MOB3B: variants seen among roughly 807,000 people sequenced by gnomAD.
MOB3B encodes MOB kinase activator 3B.
A neutral mutation model predicts 18.7 loss-of-function variants in MOB3B; 7 were observed. That is an observed-to-expected ratio of 0.37 (90% CI 0.21 to 0.70). The LOEUF is 0.70. Among genes scored for constraint, MOB3B ranks in the 30% least tolerant of loss-of-function variants. The pLI is 0.52. For missense variants in MOB3B, 253 were observed against 281.3 expected (o/e 0.90, Z 0.72); for synonymous variants, 111 against 99.9 (o/e 1.11, Z -0.66).
chr9:27,357,667 G>A (rs1346623794), intron 3 of MOB3B, among the ~76,000 whole-genome samples: 1 of 151,764 alleles, frequency 6.6e-6, no homozygotes, highest in African/African-American at 2.4e-5. Context: ...CTCTCTTGTG[G>A]CGTGGCATGG....
chr9:27,385,832 C>G (rs1044826197), intron 2 of MOB3B, among the ~76,000 whole-genome samples: 1 of 152,222 alleles, frequency 6.6e-6, no homozygotes, highest in South Asian at 2.1e-4. Flanking sequence ...CTCCTTTTGA[C>G]AGTTTGCTGT....
chr9:27,353,819 A>G (rs1028906809), intron 3 of MOB3B, among the ~76,000 whole-genome samples: 1 of 152,180 alleles, frequency 6.6e-6, no homozygotes, highest in Non-Finnish European at 1.5e-5. Context: ...GTGCTTGCTA[A>G]TGATAATTCT....
chr9:27,435,845 C>G (rs1337829006), intron 2 of MOB3B, among the ~76,000 whole-genome samples: 2 of 152,160 alleles, frequency 1.3e-5, no homozygotes, highest in African/African-American at 4.8e-5. Flanking sequence ...AAGTGATCCA[C>G]CTGACTTGGC....
chr9:27,527,700 C>G (rs1219975880), intron 1 of MOB3B, among the ~76,000 whole-genome samples: 6 of 152,210 alleles, frequency 3.9e-5, no homozygotes. Context: ...ACAGGAAAAG[C>G]TGGCAACAGC....
At chr9:27,433,131 T>C (rs902899661) in intron 2 of MOB3B, among the ~76,000 whole-genome samples, 3 of 152,126 alleles carry the variant, frequency 2.0e-5, no homozygotes, top group African/African-American at 7.2e-5. Context: ...AAGATACATA[T>C]TTGATATAAA....
intron 2 of MOB3B, among the ~76,000 whole-genome samples, chr9:27,436,576 TAAGTA>T (rs1355078368): frequency 6.6e-6 from 1 of 152,222 alleles, no homozygotes; most frequent in African/African-American, 2.4e-5. Context: ...GGGTACATAG[TAAGTA>T]AATACAAGTT....
At chr9:27,528,305 C>A (rs952158073) in intron 1 of MOB3B, among the ~76,000 whole-genome samples, 3 of 152,244 alleles carry the variant, frequency 2.0e-5, no homozygotes, top group African/African-American at 7.2e-5. Flanking sequence ...CTAGCAGCGG[C>A]CCAGCCCCAA....
chr9:27,521,760 C>T (rs901602436), intron 1 of MOB3B, among the ~76,000 whole-genome samples: 2 of 152,132 alleles, frequency 1.3e-5, no homozygotes, highest in South Asian at 2.1e-4. Context: ...ATAGTATATT[C>T]CCACATACTG....
chr9:27,347,701 G>T (rs944304257), intron 3 of MOB3B, among the ~76,000 whole-genome samples: 1 of 152,214 alleles, frequency 6.6e-6, no homozygotes, highest in African/African-American at 2.4e-5. Flanking sequence ...TCCATTCATG[G>T]CAAATGCCCT....
At chr9:27,389,582 C>T (rs1222262818) in intron 2 of MOB3B, among the ~76,000 whole-genome samples, 1 of 152,168 alleles carries the variant, frequency 6.6e-6, no homozygotes, top group Non-Finnish European at 1.5e-5. Flanking sequence ...GTTTTCTTCA[C>T]AGCACTCCCC....
chr9:27,443,308 T>C (rs1356375866), intron 2 of MOB3B, among the ~76,000 whole-genome samples: 1 of 152,166 alleles, frequency 6.6e-6, no homozygotes, highest in Non-Finnish European at 1.5e-5. Flanking sequence ...CCACCAAATA[T>C]ACATCAACTC....
intron 2 of MOB3B, among the ~76,000 whole-genome samples, chr9:27,362,128 T>C (rs1238372994): frequency 6.6e-6 from 1 of 152,206 alleles, no homozygotes; most frequent in African/African-American, 2.4e-5. Flanking sequence ...CAGCTGTGCC[T>C]TCCATTCCAT....
rs1820750903 is a variant in MOB3B, at chr9:27,329,000, G to A, written c.*1587C>T. Reference sequence around the variant, plus strand: ...AAGCAAGGTTCAGGCTGCTTGGTTAGGTCAACAGAGAATGCCACTGTACCC... The same window carrying A: ...AAGCAAGGTTCAGGCTGCTTGGTTAAGTCAACAGAGAATGCCACTGTACCC... On this transcript the variant is annotated 3_prime_UTR_variant, in exon 4 of 4. Coordinates refer to ENST00000262244, the MANE Select transcript of MOB3B (RefSeq NM_024761.5). The A allele has an allele frequency of 6.6e-6, 1 of 152,514 alleles. No homozygotes were observed. Among genetic ancestry groups the A allele is most frequent in the African/African-American group, 2.4e-5 (1 of 41,436 alleles). The allele number at this position is 152,514 out of a possible 1,614,324, so 9.4% of individuals were successfully genotyped here. A position where few individuals can be genotyped will look rare whatever the true frequency, so the allele number is the denominator to read the frequency against.
At chr9:27,436,036 A>C (rs1017069694) in intron 2 of MOB3B, among the ~76,000 whole-genome samples, 1 of 149,494 alleles carries the variant, frequency 6.7e-6, no homozygotes, top group African/African-American at 2.4e-5. Context: ...CAGTTTTCTC[A>C]CGTCAGGACC....
At chr9:27,380,873 A>C (rs1242581764) in intron 2 of MOB3B, among the ~76,000 whole-genome samples, 1 of 152,190 alleles carries the variant, frequency 6.6e-6, no homozygotes, top group East Asian at 1.9e-4. Context: ...TTCAAAGAAG[A>C]TGTCTGGGGC....
chr9:27,425,908 T>C (rs1310179651), intron 2 of MOB3B, among the ~76,000 whole-genome samples: 2 of 152,102 alleles, frequency 1.3e-5, no homozygotes, highest in African/African-American at 4.8e-5. Context: ...GGAAAAGTCA[T>C]AGGTAAGGAA....
At chr9:27,380,891 A>T (rs1404308880) in intron 2 of MOB3B, among the ~76,000 whole-genome samples, 1 of 152,172 alleles carries the variant, frequency 6.6e-6, no homozygotes, top group African/African-American at 2.4e-5. Context: ...GGCTTTCCAC[A>T]CTGCCTAAGG....
Position 27,377,666 on chromosome 9 carries a change from T to G in MOB3B, c.419-18430A>C, listed in dbSNP as rs543961160. ...GTTTATACAAATCTGACCACACTTT[T>G]TATGCTAAATTGAAAACACTGGCAA... On this transcript the variant is annotated intron_variant, in intron 2 of 3. Transcript: ENST00000262244. Among the ~76,000 whole-genome samples, 8 of 152,320 alleles carry G rather than the reference T, an allele frequency of 5.3e-5. No individual in the cohort carries two copies. In the East Asian group the frequency reaches 1.5e-3, roughly 29 times the overall value.
At chr9:27,332,356 T>C (rs1466123441) in intron 3 of MOB3B, among the ~76,000 whole-genome samples, 1 of 152,186 alleles carries the variant, frequency 6.6e-6, no homozygotes, top group African/African-American at 2.4e-5. Context: ...AGCATGTGTG[T>C]GTGTGTTTGA....
Sources: gnomAD v4.1 joint callset for allele counts (sites outside exome capture counted in the v4.1 genomes callset) on GRCh38, gnomAD v4.1.1 for gene constraint, MANE v1.5 for transcripts, NCBI Gene and HGNC (gene_info 2026-07-23, HGNC 2026-07-21) for gene names.